The following TMEM232 variants were observed in gnomAD, a reference collection of about 807,000 sequenced individuals.
The protein encoded by TMEM232 is transmembrane protein 232.
In TMEM232, 80 loss-of-function variants were observed where a neutral mutation model predicts 78.8. The observed-to-expected ratio is 1.01, with a 90% CI of 0.85 to 1.22. The LOEUF is 1.22. Ranked by LOEUF, TMEM232 falls within the 50% of genes most tolerant of loss-of-function variation. The probability of loss-of-function intolerance (pLI) is 0.00; values close to 1 mark genes in which losing one functional copy is unlikely to be tolerated. For synonymous variants in TMEM232, 297 were observed against 254.3 expected (o/e 1.17, Z -1.60); for missense variants, 881 against 742.2 (o/e 1.19, Z -2.17).
chr5:110,602,746 G>A (rs1781091017), intron 10 of TMEM232, among the ~76,000 whole-genome samples: 1 of 152,118 alleles, frequency 6.6e-6, no homozygotes, highest in South Asian at 2.1e-4. Context: ...GATTCCTCAA[G>A]GATCTAGAAC....
intron 2 of TMEM232, among the ~76,000 whole-genome samples, chr5:110,651,628 T>C (rs1788313066): frequency 6.6e-6 from 1 of 152,128 alleles, no homozygotes; most frequent in African/African-American, 2.4e-5. Flanking sequence ...AATTAGAGCA[T>C]GACACAATTT....
intron 2 of TMEM232, among the ~76,000 whole-genome samples, chr5:110,665,498 G>A (rs2150122468): frequency 6.6e-6 from 1 of 152,174 alleles, no homozygotes; most frequent in Non-Finnish European, 1.5e-5. Context: ...AGGGGAAGGG[G>A]AAGCAAGGCA....
At chr5:110,449,136 G>C (rs1759986737) in intron 12 of TMEM232, among the ~76,000 whole-genome samples, 1 of 151,986 alleles carries the variant, frequency 6.6e-6, no homozygotes, top group Non-Finnish European at 1.5e-5. Context: ...TCTATTTTCA[G>C]ACAAAGTGGA....
In TMEM232 at chr5:110,638,184, T is replaced by C. The variant is rs1487682630; in HGVS notation, c.501+14A>G. 1.4e-5 allele frequency: 22 copies of C among 1,529,890 alleles called. No individual in the cohort carries two copies. The East Asian group carries it at 5.4e-4, about 38-fold the overall frequency. The allele number at this position is 1,529,890 out of a possible 1,614,324, so 94.8% of individuals were successfully genotyped here. A position where few individuals can be genotyped will look rare whatever the true frequency, so the allele number is the denominator to read the frequency against. On this transcript the variant is annotated intron_variant, in intron 5 of 13. Coordinates refer to ENST00000455884, the MANE Select transcript of TMEM232 (RefSeq NM_001039763.4). The stretch of plus-strand genomic sequence containing the variant: ...GAAATATTTAAAAACATTAAGAAGT[T>C]TTTCAAAACATACCTTTGCTAGCTT...
chr5:110,482,195 G>A (rs935692799), intron 12 of TMEM232, among the ~76,000 whole-genome samples: 2 of 151,976 alleles, frequency 1.3e-5, no homozygotes, highest in African/African-American at 4.8e-5. Context: ...TCCAATTAGA[G>A]ACATCAGTTC....
intron 12 of TMEM232, among the ~76,000 whole-genome samples, chr5:110,528,254 A>ATG (rs1371584005): frequency 6.6e-6 from 1 of 151,960 alleles, no homozygotes; most frequent in Admixed American, 6.6e-5. Flanking sequence ...CATATCAAAT[A>ATG]TGTATATATA....
At chr5:110,629,919 A>G (rs988797944) in intron 5 of TMEM232, among the ~76,000 whole-genome samples, 5 of 152,206 alleles carry the variant, frequency 3.3e-5, no homozygotes, top group African/African-American at 1.2e-4. Context: ...AAAAGAAAAT[A>G]TATTCGGGGA....
At chr5:110,469,089 T>C (rs1762393227) in intron 12 of TMEM232, among the ~76,000 whole-genome samples, 1 of 152,144 alleles carries the variant, frequency 6.6e-6, no homozygotes, top group Non-Finnish European at 1.5e-5. Flanking sequence ...ACTGGGGTCT[T>C]CAGCAATCCT....
At chr5:110,536,469 G>A (rs368560289) in intron 11 of TMEM232, among the ~76,000 whole-genome samples, 79 of 152,268 alleles carry the variant, frequency 5.2e-4, no homozygotes, top group South Asian at 2.9e-3. Context: ...TGATCTCTAC[G>A]TGTGACACAA....
Position 110,563,465 on chromosome 5 carries a change from TA to T in TMEM232, c.1455+4981del, listed in dbSNP as rs888199494. The stretch of plus-strand genomic sequence containing the variant: ...CCATTTGTGATTTGACAGTAGCATA[TA>T]AAAATAGTTATAAGACTAGAGAGTA... On this transcript the variant is annotated intron_variant, in intron 11 of 13. Coordinates refer to ENST00000455884, the MANE Select transcript of TMEM232 (RefSeq NM_001039763.4). 4.0e-5 allele frequency among the ~76,000 whole-genome samples: 6 copies of T among 151,812 alleles called. No individual in the cohort carries two copies. In the East Asian group the frequency reaches 5.8e-4, roughly 15 times the overall value.
chr5:110,688,895 T>C (rs531817729), intron 1 of TMEM232, among the ~76,000 whole-genome samples: 169 of 152,236 alleles, frequency 1.1e-3, no homozygotes, highest in South Asian at 3.5e-3. Context: ...GCAATGCAAA[T>C]TGATAGCTTT....
chr5:110,551,108 T>C (rs1159146082), intron 11 of TMEM232, among the ~76,000 whole-genome samples: 2 of 152,166 alleles, frequency 1.3e-5, no homozygotes, highest in Non-Finnish European at 2.9e-5. Context: ...AAGAAAAAGC[T>C]TGCCAGCCCC....
intron 10 of TMEM232, among the ~76,000 whole-genome samples, chr5:110,600,143 T>A (rs1035050614): frequency 2.0e-5 from 3 of 152,170 alleles, no homozygotes; most frequent in Admixed American, 2.0e-4. Context: ...TACCAGAATC[T>A]CTGGGACACA....
intron 12 of TMEM232, among the ~76,000 whole-genome samples, chr5:110,523,741 C>A (rs1031301018): frequency 4.6e-5 from 7 of 151,670 alleles, no homozygotes; most frequent in African/African-American, 1.7e-4. Context: ...CTGCTTGAGC[C>A]CAGGAGTTTG....
chr5:110,528,717 T>C lies in TMEM232; in HGVS notation c.1574A>G (p.Lys525Arg). ...GGCCTCAATGGGGGGAAAGAATAGT[T>C]TGGAAAGAGTGTTGGCAATTCTCCA... ...IGWRIANTLS[K>R]LFFPPIEAHF... Residue 525 changes from lysine to arginine, a missense_variant, in exon 12 of 14, where the codon AAA (lysine) becomes AGA (arginine). Coordinates refer to ENST00000455884, the MANE Select transcript of TMEM232 (RefSeq NM_001039763.4). The C allele has an allele frequency of 6.5e-7, 1 of 1,534,868 alleles. No homozygotes were observed. Among genetic ancestry groups the C allele is most frequent in the African/African-American group, 1.4e-5 (1 of 73,122 alleles).
downstream of TMEM232, among the ~76,000 whole-genome samples, chr5:110,416,821 C>G (rs898967254): frequency 2.6e-5 from 4 of 152,200 alleles, no homozygotes; most frequent in Non-Finnish European, 5.9e-5. Flanking sequence ...CAAACACCCA[C>G]TCATCAATGC....
chr5:110,642,271 G>C lies in TMEM232; in HGVS notation c.226C>G (p.Leu76Val). Reference sequence around the variant, plus strand: ...TGATATGCCATTACCTTACATCTGAGAATGATTTTTCTAGCTAGTTCCAAC... The same window carrying C: ...TGATATGCCATTACCTTACATCTGACAATGATTTTTCTAGCTAGTTCCAAC... ...ELLELARKII[L>V]RCKRKLGLKT... The change falls in exon 3 of 14, where the codon CTC becomes GTC. Residue 76 changes from leucine to valine, a missense_variant. Physicochemically the swap from Leu to Val is conservative, Grantham distance 32 (BLOSUM62 1). Transcript: ENST00000455884. 6.5e-7 allele frequency: 1 copy of C among 1,534,708 alleles called. No homozygotes were observed. Among genetic ancestry groups the C allele is most frequent in the Non-Finnish European group, 8.8e-7 (1 of 1,139,296 alleles).
rs1446022580 is a variant in TMEM232, at chr5:110,420,499, T to TG, written c.*80dup. The TG allele has an allele frequency of 9.3e-6, 8 of 859,018 alleles. No homozygotes were observed. The highest frequency in any genetic ancestry group is 1.3e-5 in the Non-Finnish European group (8 of 609,478). 53.2% of individuals were successfully genotyped at this position (859,018 alleles called of 1,614,324 possible). ...TAATGACAAGAAAGTTCTCTTACTA[T>TG]GTAGCTATCTTGGTATTTTTCATCC... On this transcript the variant is annotated 3_prime_UTR_variant, in exon 14 of 14. Transcript: ENST00000455884.
At chr5:110,646,501 C>A (rs1263028444) in intron 2 of TMEM232, among the ~76,000 whole-genome samples, 1 of 151,736 alleles carries the variant, frequency 6.6e-6, no homozygotes, top group East Asian at 1.9e-4. Flanking sequence ...TATCTACATG[C>A]AGAAGAACGT....
Sources: gnomAD v4.1 joint callset for allele counts (sites outside exome capture counted in the v4.1 genomes callset) on GRCh38, gnomAD v4.1.1 for gene constraint, MANE v1.5 for transcripts, NCBI Gene and HGNC (gene_info 2026-07-23, HGNC 2026-07-21) for gene names.